Variants in PRR16 observed in about 807,000 individuals in gnomAD.
The protein encoded by PRR16 is protein Largen.
PRR16 carries 6 observed loss-of-function variants against 18.2 expected under a neutral mutation model. That is an observed-to-expected ratio of 0.33 (90% CI 0.18 to 0.65). The LOEUF (loss-of-function observed/expected upper bound fraction) is 0.65. Among genes scored for constraint, PRR16 ranks in the 30% least tolerant of loss-of-function variants. The pLI is 0.74. For missense variants in PRR16, 412 were observed against 376.6 expected (o/e 1.09, Z -0.78); for synonymous variants, 151 against 147.8 (o/e 1.02, Z -0.16).
chr5:120,489,645 C>T (rs1749951053), intron 1 of PRR16, among the ~76,000 whole-genome samples: 1 of 152,138 alleles, frequency 6.6e-6, no homozygotes, highest in South Asian at 2.1e-4. Context: ...GCATTTAGCC[C>T]ATTTACATTT....
chr5:120,766,078 T>G, the PRR16 span, among the ~76,000 whole-genome samples: 2 of 152,038 alleles, frequency 1.3e-5, no homozygotes, highest in Non-Finnish European at 2.9e-5. Flanking sequence ...AATATTTTAG[T>G]ACCTGTACTT....
At chr5:120,466,323 C>T (rs1274791770) in intron 1 of PRR16, among the ~76,000 whole-genome samples, 1 of 152,150 alleles carries the variant, frequency 6.6e-6, no homozygotes, top group South Asian at 2.1e-4. Context: ...GGGCATGTTC[C>T]TTTCGGCAGA....
chr5:120,668,806 G>T (rs1007460595), intron 1 of PRR16, among the ~76,000 whole-genome samples: 41 of 152,274 alleles, frequency 2.7e-4, no homozygotes, highest in Admixed American at 1.2e-3. Context: ...GGCTTGTAGA[G>T]TTTCTGCCGA....
At chr5:120,674,271 A>C (rs1384230028) in intron 1 of PRR16, among the ~76,000 whole-genome samples, 1 of 152,062 alleles carries the variant, frequency 6.6e-6, no homozygotes. Context: ...CCCTCCAAAA[A>C]AGGCTGGGTT....
the PRR16 span, among the ~76,000 whole-genome samples, chr5:120,756,148 G>T: frequency 6.6e-6 from 1 of 152,068 alleles, no homozygotes; most frequent in Non-Finnish European, 1.5e-5. Context: ...AAGTTACAAA[G>T]TTACACATGA....
intron 1 of PRR16, among the ~76,000 whole-genome samples, chr5:120,492,029 G>T (rs1349459051): frequency 2.6e-5 from 4 of 151,394 alleles, no homozygotes; most frequent in Admixed American, 2.6e-4. Flanking sequence ...TGTAAATAGG[G>T]TTTGTACATT....
At chr5:120,788,008 C>T in the PRR16 span, among the ~76,000 whole-genome samples, 2 of 151,902 alleles carry the variant, frequency 1.3e-5, no homozygotes, top group Non-Finnish European at 1.5e-5. Flanking sequence ...TCTCCCTCTG[C>T]TTGAAATACC....
At chr5:120,700,408 G>C in the PRR16 span, among the ~76,000 whole-genome samples, 5 of 152,044 alleles carry the variant, frequency 3.3e-5, no homozygotes, top group Non-Finnish European at 7.4e-5. Context: ...GCCAAGGAGG[G>C]AGTAGAGGTA....
the PRR16 span, among the ~76,000 whole-genome samples, chr5:120,778,178 A>G: frequency 6.6e-6 from 1 of 152,186 alleles, no homozygotes; most frequent in Non-Finnish European, 1.5e-5. Flanking sequence ...CAAGAATAAT[A>G]GGTGTTAAAA....
chr5:120,763,237 C>G, the PRR16 span, among the ~76,000 whole-genome samples: 1 of 151,972 alleles, frequency 6.6e-6, no homozygotes, highest in Admixed American at 6.6e-5. Context: ...ACCTCTGCCT[C>G]CCCGGTTCAA....
chr5:120,763,086 A>G, the PRR16 span, among the ~76,000 whole-genome samples: 1 of 152,048 alleles, frequency 6.6e-6, no homozygotes, highest in Non-Finnish European at 1.5e-5. Flanking sequence ...AGTTGGCTGT[A>G]AATATGTGGA....
the PRR16 span, among the ~76,000 whole-genome samples, chr5:120,780,629 G>A: frequency 6.6e-6 from 1 of 152,120 alleles, no homozygotes; most frequent in Non-Finnish European, 1.5e-5. Context: ...CCCAAATTAA[G>A]TCTGAGCTAG....
chr5:120,725,083 T>C, the PRR16 span, among the ~76,000 whole-genome samples: 1 of 152,138 alleles, frequency 6.6e-6, no homozygotes, highest in South Asian at 2.1e-4. Flanking sequence ...GACATGGTGC[T>C]ATCTGGAGGA....
chr5:120,670,521 A>C (rs1486777182), intron 1 of PRR16, among the ~76,000 whole-genome samples: 2 of 152,174 alleles, frequency 1.3e-5, no homozygotes, highest in African/African-American at 4.8e-5. Context: ...TAGAAAGCCT[A>C]TTCTACAAGA....
At chr5:120,636,023 CA>C (rs1561586047) in intron 1 of PRR16, among the ~76,000 whole-genome samples, 1 of 151,654 alleles carries the variant, frequency 6.6e-6, no homozygotes, top group Admixed American at 6.6e-5. Context: ...ACAATGGCTG[CA>C]AATAAATAAA....
intron 1 of PRR16, among the ~76,000 whole-genome samples, chr5:120,613,870 G>C (rs75515699): frequency 0.059 from 8,942 of 152,234 alleles, 341 homozygotes; most frequent in South Asian, 0.085. Context: ...CTTTAGTTGT[G>C]TTTAGGCAAT....
the PRR16 span, among the ~76,000 whole-genome samples, chr5:120,785,795 C>T: frequency 6.6e-6 from 1 of 151,416 alleles, no homozygotes; most frequent in Non-Finnish European, 1.5e-5. Context: ...TGGTCTCGAA[C>T]TCCTGACCTG....
intron 1 of PRR16, among the ~76,000 whole-genome samples, chr5:120,568,688 G>A (rs890697481): frequency 2.6e-5 from 4 of 152,064 alleles, no homozygotes; most frequent in Admixed American, 2.0e-4. Context: ...TAATACAAAT[G>A]TGAGAATTAC....
chr5:120,683,369 G>C (rs1757029084), intron 1 of PRR16, among the ~76,000 whole-genome samples: 1 of 151,768 alleles, frequency 6.6e-6, no homozygotes, highest in African/African-American at 2.4e-5. Context: ...GGGTGTGGTG[G>C]TGGCTGCCTG....
Sources: gnomAD v4.1 joint callset for allele counts (sites outside exome capture counted in the v4.1 genomes callset) on GRCh38, gnomAD v4.1.1 for gene constraint, MANE v1.5 for transcripts, NCBI Gene and HGNC (gene_info 2026-07-23, HGNC 2026-07-21) for gene names.